Variants in LOC128706666 observed in about 807,000 individuals in gnomAD.
At chr20:10,417,244 T>TTAA in the LOC128706666 span, among the ~76,000 whole-genome samples, 269 of 19,622 alleles carry the variant, frequency 0.014, 4 homozygotes, top group Admixed American at 0.12. Flanking sequence ...AGACTCCATC[T>TTAA]TAAAAAAAAA....
the LOC128706666 span, among the ~76,000 whole-genome samples, chr20:10,416,322 G>A: frequency 1.3e-5 from 2 of 151,818 alleles, 1 homozygote; most frequent in South Asian, 4.2e-4. Context: ...AATGATTATA[G>A]GTATGAGGTA....
At chr20:10,432,392 A>C in the LOC128706666 span, among the ~76,000 whole-genome samples, 1 of 152,342 alleles carries the variant, frequency 6.6e-6, no homozygotes, top group South Asian at 2.1e-4. Flanking sequence ...ACAATCTAGA[A>C]ACATCTTGCT....
At chr20:10,425,521 A>C in the LOC128706666 span, among the ~76,000 whole-genome samples, 3 of 152,386 alleles carry the variant, frequency 2.0e-5, no homozygotes, top group South Asian at 6.2e-4. Flanking sequence ...GGTTCATGAT[A>C]CTGAGAAGCA....
chr20:10,428,616 A>G, the LOC128706666 span, among the ~76,000 whole-genome samples: 125,471 of 152,104 alleles, frequency 0.82, 52,373 homozygotes, highest in African/African-American at 0.93. Flanking sequence ...AGGAAGGTGG[A>G]TCACTTGAGG....
the LOC128706666 span, among the ~76,000 whole-genome samples, chr20:10,428,027 A>G: frequency 2.6e-5 from 4 of 152,240 alleles, no homozygotes; most frequent in African/African-American, 7.2e-5. Flanking sequence ...ATTGCTGTGA[A>G]TTTAATGTAT....
At chr20:10,422,423 T>C in the LOC128706666 span, among the ~76,000 whole-genome samples, 4 of 152,142 alleles carry the variant, frequency 2.6e-5, no homozygotes, top group Non-Finnish European at 5.9e-5. Flanking sequence ...TTAAATTTCA[T>C]TGTGAAGTCC....
At chr20:10,422,062 A>G in the LOC128706666 span, among the ~76,000 whole-genome samples, 1 of 152,188 alleles carries the variant, frequency 6.6e-6, no homozygotes, top group African/African-American at 2.4e-5. Context: ...TTTAAGACCA[A>G]AACACAATAG....
the LOC128706666 span, among the ~76,000 whole-genome samples, chr20:10,427,909 A>G: frequency 6.6e-6 from 1 of 152,178 alleles, no homozygotes; most frequent in African/African-American, 2.4e-5. Flanking sequence ...ACCTATATCC[A>G]AGAGCTGGGC....
chr20:10,420,046 G>A, the LOC128706666 span, among the ~76,000 whole-genome samples: 3 of 152,014 alleles, frequency 2.0e-5, no homozygotes, highest in Admixed American at 6.6e-5. Flanking sequence ...TGGAATTATG[G>A]ATAAGGGACT....
the LOC128706666 span, among the ~76,000 whole-genome samples, chr20:10,433,659 A>G: frequency 1.3e-5 from 2 of 152,108 alleles, no homozygotes; most frequent in Admixed American, 1.3e-4. Context: ...TGGCAGGGCC[A>G]CGCTGCACAA....
At chr20:10,420,985 T>C in the LOC128706666 span, among the ~76,000 whole-genome samples, 2 of 152,232 alleles carry the variant, frequency 1.3e-5, no homozygotes, top group Non-Finnish European at 2.9e-5. Flanking sequence ...ATACTGACTT[T>C]TTGGCAACAA....
the LOC128706666 span, among the ~76,000 whole-genome samples, chr20:10,427,081 A>ACACAC: frequency 1.2e-5 from 1 of 85,700 alleles, no homozygotes. Context: ...CACACACACA[A>ACACAC]AGTAAGGTTA....
chr20:10,429,500 A>G, the LOC128706666 span, among the ~76,000 whole-genome samples: 5 of 152,050 alleles, frequency 3.3e-5, no homozygotes, highest in Non-Finnish European at 5.9e-5. Context: ...CTTTGAACTA[A>G]CCGTCCCCAC....
the LOC128706666 span, among the ~76,000 whole-genome samples, chr20:10,427,365 G>C: frequency 1.3e-5 from 2 of 152,114 alleles, no homozygotes; most frequent in African/African-American, 2.4e-5. Context: ...TGAAAAAATT[G>C]TAATTTTTAA....
At chr20:10,423,316 G>A in the LOC128706666 span, among the ~76,000 whole-genome samples, 21 of 152,206 alleles carry the variant, frequency 1.4e-4, no homozygotes, top group Admixed American at 1.4e-3. Flanking sequence ...CTGCGTGGGG[G>A]GTGCTGAGGT....
the LOC128706666 span, among the ~76,000 whole-genome samples, chr20:10,424,715 T>G: frequency 6.6e-6 from 1 of 152,334 alleles, no homozygotes; most frequent in Non-Finnish European, 1.5e-5. Context: ...CAATTTAAAT[T>G]TAGCACTTTT....
chr20:10,415,982 A>C, the LOC128706666 span, among the ~76,000 whole-genome samples: 2 of 152,218 alleles, frequency 1.3e-5, no homozygotes, highest in African/African-American at 4.8e-5. Context: ...AAGAAAGAGA[A>C]AAGAGAAAAA....
chr20:10,414,265 C>CTTT, the LOC128706666 span, among the ~76,000 whole-genome samples: 58 of 132,348 alleles, frequency 4.4e-4, no homozygotes, highest in South Asian at 1.5e-3. Flanking sequence ...GTCTCTGAGT[C>CTTT]TTTTTTTTTT....
At chr20:10,428,358 A>C in the LOC128706666 span, among the ~76,000 whole-genome samples, 2 of 152,186 alleles carry the variant, frequency 1.3e-5, no homozygotes, top group Non-Finnish European at 2.9e-5. Flanking sequence ...TACAGCAAAC[A>C]CTTTATGTTC....
Sources: allele counts gnomAD v4.1 joint callset (sites outside exome capture counted in the v4.1 genomes callset), GRCh38; gene constraint gnomAD v4.1.1; transcripts MANE v1.5.